The following PKHD1 variants were observed in gnomAD, a reference collection of about 807,000 sequenced individuals.
PKHD1 encodes the protein PKHD1 ciliary IPT domain containing fibrocystin/polyductin.
Under a neutral mutation model 412.0 loss-of-function variants are expected in PKHD1, and 291 were observed. That is an observed-to-expected ratio of 0.71 (90% CI 0.64 to 0.78). The LOEUF is 0.78. Ranked by LOEUF, PKHD1 falls within the 30% of genes least tolerant of loss-of-function variation. The pLI is 0.00. For missense variants in PKHD1, 4,825 were observed against 4,950.7 expected, an observed-to-expected ratio of 0.97 and a Z score of 0.76; for synonymous variants, 1,777 against 1,821.5, an observed-to-expected ratio of 0.98 and a Z score of 0.62.
chr6:51,668,495 G>A (rs1337425452), intron 60 of PKHD1, among the ~76,000 whole-genome samples: 2 of 152,070 alleles, frequency 1.3e-5, no homozygotes, highest in Non-Finnish European at 2.9e-5. Context: ...CTGCAAACAG[G>A]GACAATTTGA....
At chr6:51,858,184 T>C (rs895821832) in intron 48 of PKHD1, among the ~76,000 whole-genome samples, 4 of 152,218 alleles carry the variant, frequency 2.6e-5, no homozygotes, top group Non-Finnish European at 5.9e-5. Flanking sequence ...ATGGGGTGTT[T>C]ACATCTTCGA....
intron 14 of PKHD1, among the ~76,000 whole-genome samples, chr6:52,061,043 G>A (rs1015933702): frequency 3.9e-5 from 6 of 152,176 alleles, no homozygotes; most frequent in Admixed American, 2.6e-4. Context: ...TTTTGGGGTA[G>A]GCTGACTCAC....
At chr6:51,719,681 C>T in intron 60 of PKHD1, among the ~76,000 whole-genome samples, 1 of 152,238 alleles carries the variant, frequency 6.6e-6, no homozygotes, top group Middle Eastern at 3.4e-3. Flanking sequence ...TCTCTTTATA[C>T]AATGACTAAT....
intron 22 of PKHD1, among the ~76,000 whole-genome samples, 153 bp downstream of exon 22, chr6:52,050,004 T>C (rs1010010860): frequency 6.6e-6 from 1 of 152,224 alleles, no homozygotes; most frequent in Admixed American, 6.5e-5. Context: ...TAACAATACT[T>C]CCAGGTGAAT....
intron 6 of PKHD1, among the ~76,000 whole-genome samples, chr6:52,074,563 AACAAAAG>A (rs1446613884): frequency 1.3e-5 from 2 of 152,226 alleles, no homozygotes; most frequent in African/African-American, 4.8e-5. Context: ...TTTTAAAACT[AACAAAAG>A]ACTGTAGAAA....
chr6:51,652,453 A>C (rs1451289539), intron 61 of PKHD1, among the ~76,000 whole-genome samples: 1 of 152,074 alleles, frequency 6.6e-6, no homozygotes, highest in African/African-American at 2.4e-5. Context: ...GAAATCAGAG[A>C]TACTCTCTCT....
At chr6:51,925,310 C>A (rs116180098) in intron 37 of PKHD1, among the ~76,000 whole-genome samples, 5 of 152,284 alleles carry the variant, frequency 3.3e-5, no homozygotes, top group Non-Finnish European at 7.3e-5. Flanking sequence ...TTGAAATCCT[C>A]GTGTGTCTAA....
At position 52,022,809 on chromosome 6, in the gene PKHD1, G is replaced by T. The variant is rs886042677; in HGVS notation, c.5372C>A (p.Pro1791His). ...TVSAFSCLVL[P>H]LDVSLAFLCG... Reference sequence around the variant, plus strand: ...GTGGCATCTTTACTCACCATCCAGGGGCAGAACCAAGCAGCTGAAGGCAGA... The same window carrying T: ...GTGGCATCTTTACTCACCATCCAGGTGCAGAACCAAGCAGCTGAAGGCAGA... Residue 1791 changes from proline (P) to histidine (H), a missense_variant, in exon 33 of 67, where the codon CCC (proline) becomes CAC (histidine). Pro to His is a moderately conservative substitution (Grantham distance 77, BLOSUM62 -2). Coordinates refer to ENST00000371117, the MANE Select transcript of PKHD1 (RefSeq NM_138694.4). The T allele has an allele frequency of 1.9e-6, 3 of 1,613,870 alleles. No homozygotes were observed. The highest frequency in any genetic ancestry group is 2.5e-6 in the Non-Finnish European group (3 of 1,179,936).
intron 37 of PKHD1, among the ~76,000 whole-genome samples, chr6:51,927,638 A>C (rs1300620812): frequency 1.3e-5 from 2 of 152,198 alleles, no homozygotes; most frequent in Non-Finnish European, 2.9e-5. Context: ...GACCTGTAAG[A>C]AGGGGAGACT....
In PKHD1 at chr6:52,072,197, T is replaced by TA. The variant is rs753686281; in HGVS notation, c.528-9dup. On this transcript the variant is annotated splice_polypyrimidine_tract_variant and intron_variant, in intron 7 of 66. Coordinates refer to ENST00000371117, the MANE Select transcript of PKHD1 (RefSeq NM_138694.4). ...GCTTCCAAGATCACTGGGCTGGATT[T>TA]AAAAAAAAATGAAAACAAAAGACAA... is the stretch of plus-strand genomic sequence containing the variant. The TA allele has an allele frequency of 2.9e-4, 446 of 1,551,122 alleles. No homozygotes were observed. Among genetic ancestry groups the TA allele is most frequent in the Non-Finnish European group, 3.4e-4 (381 of 1,125,344 alleles).
intron 12 of PKHD1, among the ~76,000 whole-genome samples, chr6:52,065,446 T>C (rs939231491): frequency 2.6e-5 from 4 of 152,162 alleles, no homozygotes; most frequent in Admixed American, 2.6e-4. Context: ...GGGAGGTAAG[T>C]GTGACATGAC....
At chr6:51,622,557 A>T (rs1048413567) in intron 66 of PKHD1, 1 of 152,228 alleles carries the variant, frequency 6.6e-6, no homozygotes, top group Non-Finnish European at 1.5e-5. Flanking sequence ...CCATAATTAA[A>T]TACTAATGCT....
chr6:51,772,835 G>T (rs536136950), intron 54 of PKHD1, 46 bp from the exon 55 acceptor site: 2 of 1,064,008 alleles, frequency 1.9e-6, no homozygotes, highest in Non-Finnish European at 2.9e-6. Flanking sequence ...TCCTTCAGAG[G>T]AATGAAAGCC....
intron 53 of PKHD1, among the ~76,000 whole-genome samples, chr6:51,776,619 T>C (rs1582626722): frequency 6.6e-6 from 1 of 152,044 alleles, no homozygotes; most frequent in African/African-American, 2.4e-5. Context: ...TATCCCAGTT[T>C]TAAATATTTG....
At chr6:51,620,912 A>T (rs1387534302) in intron 66 of PKHD1, among the ~76,000 whole-genome samples, 1 of 151,794 alleles carries the variant, frequency 6.6e-6, no homozygotes, top group African/African-American at 2.4e-5. Context: ...CATGTTATTC[A>T]CATTTTCTGT....
intron 53 of PKHD1, among the ~76,000 whole-genome samples, chr6:51,782,847 C>T (rs1042002725): frequency 3.6e-4 from 55 of 152,058 alleles, no homozygotes; most frequent in African/African-American, 1.1e-3. Context: ...TTTTAATCTA[C>T]GCTTTTCTCA....
intron 37 of PKHD1, among the ~76,000 whole-genome samples, chr6:51,917,190 G>GC (rs1260660435): frequency 8.3e-4 from 104 of 125,670 alleles, no homozygotes; most frequent in Non-Finnish European, 1.5e-3. Context: ...AGGGAGAGGT[G>GC]GGGGGGAGAG....
chr6:52,046,634 A>C (rs1021956504), intron 23 of PKHD1, among the ~76,000 whole-genome samples: 4 of 152,200 alleles, frequency 2.6e-5, no homozygotes, highest in Admixed American at 2.0e-4. Flanking sequence ...ACCCATAAAA[A>C]CTTGGCCAGC....
intron 37 of PKHD1, among the ~76,000 whole-genome samples, chr6:51,931,551 G>A (rs1223364919): frequency 6.6e-6 from 1 of 152,180 alleles, no homozygotes; most frequent in Non-Finnish European, 1.5e-5. Context: ...GAATTGATGA[G>A]CTGCACGTGG....
Sources: gnomAD v4.1 joint callset for allele counts (sites outside exome capture counted in the v4.1 genomes callset) on GRCh38, gnomAD v4.1.1 for gene constraint, MANE v1.5 for transcripts, NCBI Gene and HGNC (gene_info 2026-07-23, HGNC 2026-07-21) for gene names.